MBD5: variants seen among roughly 807,000 people sequenced by gnomAD.
MBD5 encodes methyl-CpG-binding domain protein 5.
MBD5 carries 13 observed loss-of-function variants against 117.3 expected under a neutral mutation model. The observed-to-expected ratio is 0.11, with a 90% CI of 0.07 to 0.18. The LOEUF (loss-of-function observed/expected upper bound fraction) is 0.18. Ranked by LOEUF, MBD5 falls within the 10% of genes least tolerant of loss-of-function variation. MBD5 has a pLI of 1.00. For missense variants in MBD5, 1,879 were observed against 2,093.8 expected (o/e 0.90, Z 2.00); for synonymous variants, 727 against 766.4 (o/e 0.95, Z 0.85).
intron 3 of MBD5, among the ~76,000 whole-genome samples, chr2:148,294,501 G>GTTTGTTTTTTTTTTTTT (rs1553496237): frequency 2.6e-5 from 3 of 113,216 alleles, no homozygotes; most frequent in African/African-American, 1.1e-4. Context: ...TGGGATTACA[G>GTTTGTTTTTTTTTTTTT]TTTTTTTTTT....
intron 3 of MBD5, among the ~76,000 whole-genome samples, chr2:148,288,537 G>A (rs1406367684): frequency 3.3e-5 from 5 of 151,142 alleles, no homozygotes; most frequent in Admixed American, 3.3e-4. Flanking sequence ...AAGATATTTT[G>A]CTATGTCATA....
At chr2:148,027,955 T>C (rs774463897) in intron 1 of MBD5, 21 of 152,126 alleles carry the variant, frequency 1.4e-4, no homozygotes, top group Non-Finnish European at 2.5e-4. Flanking sequence ...GTAAATATTC[T>C]AACTCTAACA....
At chr2:148,425,020 G>T (rs902295659) in intron 4 of MBD5, among the ~76,000 whole-genome samples, 1 of 152,026 alleles carries the variant, frequency 6.6e-6, no homozygotes, top group Non-Finnish European at 1.5e-5. Context: ...CAGAAGACAA[G>T]AAATAACTAA....
At chr2:148,179,354 CAAA>C (rs762312262) in intron 2 of MBD5, among the ~76,000 whole-genome samples, 3 of 70,892 alleles carry the variant, frequency 4.2e-5, no homozygotes, top group Non-Finnish European at 3.1e-5. Flanking sequence ...GACTCTGTCT[CAAA>C]AAAAAAAAAA....
intron 2 of MBD5, among the ~76,000 whole-genome samples, chr2:148,205,355 G>T (rs930452809): frequency 1.3e-5 from 2 of 152,140 alleles, no homozygotes; most frequent in African/African-American, 4.8e-5. Context: ...TTCCCAAATT[G>T]CTGGGATTAC....
At chr2:148,145,643 G>T (rs1278342475) in intron 1 of MBD5, among the ~76,000 whole-genome samples, 8 of 152,190 alleles carry the variant, frequency 5.3e-5, no homozygotes, top group Admixed American at 5.2e-4. Flanking sequence ...AGTTTATTGA[G>T]AGTTTTTAGC....
At chr2:148,203,046 A>C (rs900753576) in intron 2 of MBD5, among the ~76,000 whole-genome samples, 2 of 151,060 alleles carry the variant, frequency 1.3e-5, no homozygotes, top group Admixed American at 6.6e-5. Context: ...TGGAGGTTGC[A>C]CTGAGCCAAG....
intron 1 of MBD5, among the ~76,000 whole-genome samples, chr2:148,107,230 T>C (rs557651668): frequency 6.6e-6 from 1 of 152,232 alleles, no homozygotes; most frequent in East Asian, 1.9e-4. Flanking sequence ...ATTATTTTAG[T>C]GTCTTCGGGC....
chr2:148,388,244 G>A (rs78779071), intron 4 of MBD5, among the ~76,000 whole-genome samples: 5,097 of 152,216 alleles, frequency 0.033, 263 homozygotes, highest in African/African-American at 0.12. Flanking sequence ...AAATATGTTC[G>A]AAGTTGGATT....
intron 1 of MBD5, among the ~76,000 whole-genome samples, chr2:148,153,758 C>A (rs1359154965): frequency 8.2e-5 from 12 of 146,222 alleles, no homozygotes; most frequent in African/African-American, 1.5e-4. Flanking sequence ...TGCATTCTTC[C>A]CGTAGTTCTC....
At chr2:148,479,866 G>T (rs1681094629) in intron 8 of MBD5, among the ~76,000 whole-genome samples, 2 of 151,588 alleles carry the variant, frequency 1.3e-5, no homozygotes, top group African/African-American at 4.8e-5. Context: ...TTATACACCT[G>T]TTATACCTCT....
At chr2:148,046,556 G>C (rs777621524) in intron 1 of MBD5, among the ~76,000 whole-genome samples, 1 of 152,010 alleles carries the variant, frequency 6.6e-6, no homozygotes, top group Non-Finnish European at 1.5e-5. Flanking sequence ...CCCCAAGTTA[G>C]AAATATCATA....
At chr2:148,325,024 G>A (rs1050840980) in intron 3 of MBD5, among the ~76,000 whole-genome samples, 10 of 151,994 alleles carry the variant, frequency 6.6e-5, no homozygotes, top group South Asian at 2.1e-4. Flanking sequence ...TATCTAATTT[G>A]TTGAGAGTTT....
In MBD5 at chr2:148,438,357, G is replaced by A. The variant is rs112414805; in HGVS notation, c.-556-19846G>A. ...AGTAAATGCTGTCACTTGAAACTCT[G>A]GTTACTGCTCAGACATTTCAATTAA... On this transcript the variant is annotated intron_variant, in intron 4 of 13. Transcript: ENST00000642680. 2.9e-3 allele frequency among the ~76,000 whole-genome samples: 448 copies of A among 152,200 alleles called. 3 individuals carry two copies. Among genetic ancestry groups the A allele is most frequent in the African/African-American group, 0.01 (431 of 41,534 alleles).
intron 3 of MBD5, among the ~76,000 whole-genome samples, chr2:148,319,995 G>T (rs1441789026): frequency 6.6e-6 from 1 of 152,110 alleles, no homozygotes. Flanking sequence ...TGCCTTTTCT[G>T]CATCTATTAA....
chr2:148,378,838 G>A (rs1704057145), intron 4 of MBD5, among the ~76,000 whole-genome samples: 1 of 152,026 alleles, frequency 6.6e-6, no homozygotes, highest in African/African-American at 2.4e-5. Context: ...CAAATGTATA[G>A]TTATTGGCTT....
chr2:148,159,995 T>C (rs1267785834), intron 1 of MBD5, among the ~76,000 whole-genome samples: 4 of 152,208 alleles, frequency 2.6e-5, no homozygotes, highest in African/African-American at 9.6e-5. Flanking sequence ...ATGTAAAATT[T>C]GTCTGTGTTC....
At chr2:148,158,476 C>T (rs548462256) in intron 1 of MBD5, among the ~76,000 whole-genome samples, 11 of 152,194 alleles carry the variant, frequency 7.2e-5, no homozygotes, top group Non-Finnish European at 1.5e-4. Flanking sequence ...CAATGGTCTA[C>T]TCATTATACC....
chr2:148,497,638 T>C (rs563754576), intron 11 of MBD5, among the ~76,000 whole-genome samples: 41 of 151,932 alleles, frequency 2.7e-4, no homozygotes, highest in Non-Finnish European at 4.3e-4. Context: ...GCAGTGAGCA[T>C]GCCAGGCATG....
Sources: gnomAD v4.1 joint callset for allele counts (sites outside exome capture counted in the v4.1 genomes callset) on GRCh38, gnomAD v4.1.1 for gene constraint, MANE v1.5 for transcripts, NCBI Gene and HGNC (gene_info 2026-07-23, HGNC 2026-07-21) for gene names.